Variants in ADGRB3 observed in about 807,000 individuals in gnomAD.
ADGRB3 encodes the protein brain-specific angiogenesis inhibitor 3.
A neutral mutation model predicts 193.4 loss-of-function variants in ADGRB3; 37 were observed. The ratio of observed to expected loss-of-function variants is 0.19; its 90% CI spans 0.15 to 0.25. The LOEUF is 0.25. ADGRB3 is among the 10% of genes least tolerant of loss of function. The pLI is 1.00. For missense variants in ADGRB3, 1,637 were observed against 1,852.9 expected (o/e 0.88, Z 2.14); for synonymous variants, 690 against 644.2 (o/e 1.07, Z -1.08).
chr6:68,898,026 GGAGAGACAGAGA>G (rs1482803857), intron 3 of ADGRB3, among the ~76,000 whole-genome samples: 3 of 147,456 alleles, frequency 2.0e-5, no homozygotes, highest in African/African-American at 7.5e-5. Flanking sequence ...AGAGAGAGAG[GGAGAGACAGAGA>G]GAGAGACAGA....
At chr6:68,854,656 A>G (rs1229947248) in intron 3 of ADGRB3, among the ~76,000 whole-genome samples, 1 of 152,158 alleles carries the variant, frequency 6.6e-6, no homozygotes. Context: ...AGAGAAAAGA[A>G]ATGTCCTCCC....
intron 3 of ADGRB3, among the ~76,000 whole-genome samples, chr6:68,727,976 A>T (rs975722111): frequency 6.6e-6 from 1 of 151,546 alleles, no homozygotes. Context: ...TCAAGCATTT[A>T]TTTCTCAGGA....
intron 3 of ADGRB3, among the ~76,000 whole-genome samples, chr6:68,892,143 C>T (rs1417642057): frequency 6.6e-6 from 1 of 152,168 alleles, no homozygotes; most frequent in East Asian, 1.9e-4. Flanking sequence ...TTTTAAAACA[C>T]CTTTGTCTCA....
At chr6:68,679,449 C>G (rs1764841086) in intron 3 of ADGRB3, among the ~76,000 whole-genome samples, 1 of 152,122 alleles carries the variant, frequency 6.6e-6, no homozygotes, top group African/African-American at 2.4e-5. Flanking sequence ...AGAGCCACTT[C>G]TGCTCACAAT....
chr6:69,138,476 G>A (rs528395304), intron 17 of ADGRB3, among the ~76,000 whole-genome samples: 1 of 152,138 alleles, frequency 6.6e-6, no homozygotes, highest in Non-Finnish European at 1.5e-5. Flanking sequence ...CCATAGAAAT[G>A]TACCAAAACA....
intron 29 of ADGRB3, among the ~76,000 whole-genome samples, chr6:69,369,396 T>C (rs571004594): frequency 1.3e-5 from 2 of 152,224 alleles, no homozygotes; most frequent in South Asian, 4.1e-4. Context: ...CAATGCCCCA[T>C]GCCCCTTTAA....
chr6:69,337,081 A>G (rs1409000716), intron 24 of ADGRB3, among the ~76,000 whole-genome samples: 1 of 152,208 alleles, frequency 6.6e-6, no homozygotes, highest in African/African-American at 2.4e-5. Flanking sequence ...TTATTTTCAG[A>G]CAGGCCCATA....
chr6:68,890,411 A>G (rs1166627801), intron 3 of ADGRB3, among the ~76,000 whole-genome samples: 1 of 152,186 alleles, frequency 6.6e-6, no homozygotes, highest in Non-Finnish European at 1.5e-5. Flanking sequence ...TCTGTCCCAA[A>G]CTTTTTTAAA....
At chr6:69,163,160 G>C (rs1305160729) in intron 17 of ADGRB3, among the ~76,000 whole-genome samples, 2 of 152,036 alleles carry the variant, frequency 1.3e-5, no homozygotes, top group Non-Finnish European at 2.9e-5. Flanking sequence ...AGAGAGAAGG[G>C]AGCAGAGATG....
intron 16 of ADGRB3, among the ~76,000 whole-genome samples, chr6:69,075,170 C>G (rs944824641): frequency 6.6e-6 from 1 of 152,014 alleles, no homozygotes; most frequent in African/African-American, 2.4e-5. Flanking sequence ...GAATGATTTC[C>G]CTAAATACAC....
intron 15 of ADGRB3, among the ~76,000 whole-genome samples, chr6:69,053,349 A>G (rs1582425003): frequency 6.6e-6 from 1 of 152,232 alleles, no homozygotes; most frequent in African/African-American, 2.4e-5. Flanking sequence ...AATACAACTT[A>G]TCTTGTTTGC....
At chr6:69,296,086 G>A (rs1449056570) in intron 20 of ADGRB3, among the ~76,000 whole-genome samples, 1 of 152,012 alleles carries the variant, frequency 6.6e-6, no homozygotes, top group Non-Finnish European at 1.5e-5. Context: ...TGCTTCTGTT[G>A]GCATTTAAAC....
chr6:68,962,177 G>A (rs1232331206), intron 8 of ADGRB3, among the ~76,000 whole-genome samples: 1 of 152,108 alleles, frequency 6.6e-6, no homozygotes, highest in African/African-American at 2.4e-5. Flanking sequence ...AAATGAATTA[G>A]AACTTGAAGA....
intron 20 of ADGRB3, among the ~76,000 whole-genome samples, chr6:69,279,702 C>G (rs1767391862): frequency 6.6e-6 from 1 of 152,016 alleles, no homozygotes; most frequent in Non-Finnish European, 1.5e-5. Flanking sequence ...CCTCTTTTGG[C>G]CTGATATGCC....
At chr6:69,124,915 G>T (rs1773814737) in intron 17 of ADGRB3, among the ~76,000 whole-genome samples, 1 of 149,308 alleles carries the variant, frequency 6.7e-6, no homozygotes, top group African/African-American at 2.5e-5. Context: ...GCCTTAAGAT[G>T]CTCAGTTGTC....
At chr6:69,250,270 A>G (rs1766591984) in intron 20 of ADGRB3, among the ~76,000 whole-genome samples, 1 of 152,106 alleles carries the variant, frequency 6.6e-6, no homozygotes, top group African/African-American at 2.4e-5. Flanking sequence ...GAATAGAAAG[A>G]TGTGTATTGC....
intron 6 of ADGRB3, among the ~76,000 whole-genome samples, chr6:68,953,719 A>T (rs1170451614): frequency 6.6e-6 from 1 of 152,174 alleles, no homozygotes; most frequent in Non-Finnish European, 1.5e-5. Context: ...GTGATTTTTA[A>T]TCTCATAAAG....
intron 3 of ADGRB3, among the ~76,000 whole-genome samples, chr6:68,797,794 A>C (rs2127369454): frequency 6.6e-6 from 1 of 152,170 alleles, no homozygotes; most frequent in East Asian, 1.9e-4. Context: ...TTTTCTCCTC[A>C]GATTTTTATT....
chr6:68,825,967 C>G (rs1767835990), intron 3 of ADGRB3, among the ~76,000 whole-genome samples: 1 of 151,746 alleles, frequency 6.6e-6, no homozygotes, highest in Non-Finnish European at 1.5e-5. Flanking sequence ...TAACTATCCA[C>G]TCTGGTGTTC....
Sources: allele counts gnomAD v4.1 joint callset (sites outside exome capture counted in the v4.1 genomes callset), GRCh38; gene constraint gnomAD v4.1.1; transcripts MANE v1.5; gene names NCBI Gene and HGNC (gene_info 2026-07-23, HGNC 2026-07-21).